CCDC91: variants seen among roughly 807,000 people sequenced by gnomAD.
CCDC91 encodes the protein coiled-coil domain-containing protein 91.
A neutral mutation model predicts 63.2 loss-of-function variants in CCDC91; 48 were observed. The observed-to-expected ratio is 0.76, with a 90% CI of 0.60 to 0.97. CCDC91 has a LOEUF of 0.97. Among genes scored for constraint, CCDC91 ranks in the 50% least tolerant of loss-of-function variants. CCDC91 has a pLI of 0.00. For missense variants in CCDC91, 500 were observed against 494.6 expected, an observed-to-expected ratio of 1.01 and a Z score of -0.10; for synonymous variants, 167 against 165.8, an observed-to-expected ratio of 1.01 and a Z score of -0.06.
intron 12 of CCDC91, among the ~76,000 whole-genome samples, chr12:28,532,976 G>A (rs1334316607): frequency 6.6e-6 from 1 of 152,110 alleles, no homozygotes; most frequent in South Asian, 2.1e-4. Context: ...TTTGAAAACC[G>A]TCTCAAAACT....
intron 8 of CCDC91, among the ~76,000 whole-genome samples, chr12:28,431,053 C>G (rs1592653375): frequency 6.6e-6 from 1 of 152,214 alleles, no homozygotes; most frequent in Admixed American, 6.5e-5. Context: ...TTTTTAATCT[C>G]TCTTCATTGT....
At chr12:28,353,119 G>A (rs1592398041) in intron 6 of CCDC91, among the ~76,000 whole-genome samples, 1 of 152,140 alleles carries the variant, frequency 6.6e-6, no homozygotes, top group Admixed American at 6.5e-5. Context: ...TTATGGAGAT[G>A]GCATTTTTCC....
At chr12:28,350,889 T>C (rs556803849) in intron 6 of CCDC91, among the ~76,000 whole-genome samples, 1 of 152,290 alleles carries the variant, frequency 6.6e-6, no homozygotes, top group South Asian at 2.1e-4. Flanking sequence ...TTAGGGCACA[T>C]TCATAAATCT....
chr12:28,521,644 T>C (rs890272505), intron 12 of CCDC91, among the ~76,000 whole-genome samples: 30 of 152,198 alleles, frequency 2.0e-4, no homozygotes, highest in Non-Finnish European at 3.5e-4. Flanking sequence ...CATCCCTGTC[T>C]TGTGCCAGTT....
chr12:28,309,306 G>T (rs1006589273), intron 6 of CCDC91, among the ~76,000 whole-genome samples: 1 of 152,000 alleles, frequency 6.6e-6, no homozygotes, highest in African/African-American at 2.4e-5. Flanking sequence ...CAGATGTAGT[G>T]AAGTTACATG....
In CCDC91 at chr12:28,394,369, G is replaced by A. The variant is rs376788397; in HGVS notation, c.762+2958G>A. On this transcript the variant is annotated intron_variant, in intron 8 of 12. Coordinates refer to ENST00000536442, the MANE Select transcript of CCDC91 (RefSeq NM_018318.5). ...TAGTCTCAGCTACTCCGGAGGCTAAGGCAGGAGAATGGCGTGAACCTGGGA... is the reference window on the plus strand; with the variant it reads ...TAGTCTCAGCTACTCCGGAGGCTAAAGCAGGAGAATGGCGTGAACCTGGGA... 5.3e-5 allele frequency among the ~76,000 whole-genome samples: 8 copies of A among 152,164 alleles called. No individual in the cohort carries two copies. In the South Asian group the frequency reaches 6.2e-4, roughly 12 times the overall value.
At chr12:28,383,395 C>A (rs1945411031) in intron 7 of CCDC91, among the ~76,000 whole-genome samples, 1 of 152,166 alleles carries the variant, frequency 6.6e-6, no homozygotes, top group Non-Finnish European at 1.5e-5. Context: ...CTTGACCTTG[C>A]TACTTCTCTT....
At chr12:28,205,425 T>C (rs1158145098) in intron 1 of CCDC91, among the ~76,000 whole-genome samples, 1 of 152,144 alleles carries the variant, frequency 6.6e-6, no homozygotes, top group Non-Finnish European at 1.5e-5. Flanking sequence ...ACCAGCACTT[T>C]TAATTCAAGG....
rs2136197109 is a variant in CCDC91, at chr12:28,259,452, T to C, written c.109+10T>C. 6.7e-7 allele frequency: 1 copy of C among 1,490,650 alleles called. No homozygotes were observed. Among genetic ancestry groups the C allele is most frequent in the Non-Finnish European group, 9.3e-7 (1 of 1,080,176 alleles). The allele number at this position is 1,490,650 out of a possible 1,614,324, so 92.3% of individuals were successfully genotyped here. ...GCTGCCTTTCCTGCAGGTATTGGTATCCAGGAATTAGGGTTTTTTTTTTTT... is the reference window on the plus strand; with the variant it reads ...GCTGCCTTTCCTGCAGGTATTGGTACCCAGGAATTAGGGTTTTTTTTTTTT... On this transcript the variant is annotated intron_variant, in intron 3 of 12. Coordinates refer to ENST00000536442, the MANE Select transcript of CCDC91 (RefSeq NM_018318.5).
chr12:28,378,647 AAAAT>A (rs1272774649), intron 7 of CCDC91, among the ~76,000 whole-genome samples: 1 of 152,142 alleles, frequency 6.6e-6, no homozygotes, highest in Admixed American at 6.6e-5. Flanking sequence ...CCAAAGGTAT[AAAAT>A]AAATTTATAG....
chr12:28,389,445 A>G (rs947643654), intron 7 of CCDC91, among the ~76,000 whole-genome samples: 5 of 152,112 alleles, frequency 3.3e-5, no homozygotes, highest in African/African-American at 1.2e-4. Context: ...ATGCTCCCTT[A>G]TCACATCTTT....
At chr12:28,513,528 T>A (rs1939599961) in intron 12 of CCDC91, among the ~76,000 whole-genome samples, 1 of 151,808 alleles carries the variant, frequency 6.6e-6, no homozygotes, top group East Asian at 1.9e-4. Flanking sequence ...GTAGTTATAA[T>A]GCAAATATTC....
Position 28,484,036 on chromosome 12 carries a change from C to T in CCDC91, c.1102-16C>T. The T allele has an allele frequency of 6.4e-7, 1 of 1,565,166 alleles. No individual in the cohort carries two copies. The highest frequency in any genetic ancestry group is 2.3e-5 in the East Asian group (1 of 44,316). On this transcript the variant is annotated splice_polypyrimidine_tract_variant and intron_variant, in intron 11 of 12. Transcript: ENST00000536442. ...GTGCTCACCTCCCTGACTGTTTTGC[C>T]TTCTCCCACAAACAGGAAACTGTTA...
At chr12:28,230,628 G>T (rs1213707774) in intron 1 of CCDC91, among the ~76,000 whole-genome samples, 1 of 152,010 alleles carries the variant, frequency 6.6e-6, no homozygotes, top group Non-Finnish European at 1.5e-5. Context: ...AAGAAATTAT[G>T]CTTTTTGTTT....
chr12:28,452,702 C>A, intron 11 of CCDC91, 48 bp downstream of exon 11: 2 of 1,071,218 alleles, frequency 1.9e-6, no homozygotes, highest in Non-Finnish European at 2.6e-6. Context: ...TCTCATTTTT[C>A]TCAAAATGAA....
chr12:28,509,279 T>C (rs1396080002), intron 12 of CCDC91, among the ~76,000 whole-genome samples: 1 of 151,924 alleles, frequency 6.6e-6, no homozygotes, highest in Non-Finnish European at 1.5e-5. Flanking sequence ...TGGATACATG[T>C]TGGCTAGGTC....
chr12:28,417,672 ACAGT>A (rs1022166209), intron 8 of CCDC91, among the ~76,000 whole-genome samples: 2 of 151,234 alleles, frequency 1.3e-5, no homozygotes, highest in African/African-American at 4.9e-5. Flanking sequence ...AATGATTACC[ACAGT>A]CAAACTAATT....
chr12:28,408,952 T>C (rs919259913), intron 8 of CCDC91, among the ~76,000 whole-genome samples: 2 of 152,214 alleles, frequency 1.3e-5, no homozygotes, highest in Non-Finnish European at 2.9e-5. Context: ...TTTAATCTTA[T>C]ATTCTGTAAT....
chr12:28,474,812 A>G (rs1408441108), intron 11 of CCDC91, among the ~76,000 whole-genome samples: 1 of 152,122 alleles, frequency 6.6e-6, no homozygotes, highest in Non-Finnish European at 1.5e-5. Flanking sequence ...AGAAATTATA[A>G]CAAACTGTCT....
Sources: gnomAD v4.1 joint callset for allele counts (sites outside exome capture counted in the v4.1 genomes callset) on GRCh38, gnomAD v4.1.1 for gene constraint, MANE v1.5 for transcripts, NCBI Gene and HGNC (gene_info 2026-07-23, HGNC 2026-07-21) for gene names.